RIF1: variants seen among roughly 807,000 people sequenced by gnomAD.
The protein encoded by RIF1 is replication timing regulatory factor 1, also known as telomere-associated protein RIF1.
A neutral mutation model predicts 247.1 loss-of-function variants in RIF1; 45 were observed. The observed-to-expected ratio is 0.18, with a 90% confidence interval of 0.14 to 0.23. The LOEUF (loss-of-function observed/expected upper bound fraction) is 0.23. Ranked by LOEUF, RIF1 falls within the 10% of genes least tolerant of loss-of-function variation. The pLI, the probability that RIF1 is intolerant of heterozygous loss-of-function variation, is 1.00. For missense variants in RIF1, 2,967 were observed against 2,862.5 expected (o/e 1.04, Z -0.83); for synonymous variants, 1,087 against 978.8 (o/e 1.11, Z -2.06).
chr2:151,475,143 T>C lies in RIF1; in HGVS notation c.*72T>C. 1 of 1,036,426 alleles carries C rather than the reference T, an allele frequency of 9.6e-7. No homozygotes were observed. The allele number at this position is 1,036,426 out of a possible 1,614,324, so 64.2% of individuals were successfully genotyped here. ...TTGATTGAGGAAACAAGTTCTGAAA[T>C]AATAGCACAATTTCAAAGAAGAGAC... On this transcript the variant is annotated 3_prime_UTR_variant, in exon 36 of 36. Transcript: ENST00000444746.
rs1444921687 is a variant in RIF1, at chr2:151,435,766, TG to T, written c.1195+187del. ...TCCATTATCATGTTTTTCTGTTTTT[TG>T]TTTTTTTTTTTTAATATTACTGATT... On this transcript the variant is annotated intron_variant, in intron 11 of 35. Transcript: ENST00000444746. Among the ~76,000 whole-genome samples, 69 of 151,100 alleles carry T rather than the reference TG, an allele frequency of 4.6e-4. 2 individuals are homozygous for T. Among genetic ancestry groups the T allele is most frequent in the African/African-American group, 1.4e-3 (57 of 41,348 alleles).
intron 6 of RIF1, among the ~76,000 whole-genome samples, chr2:151,417,214 A>C (rs1026590107): frequency 1.3e-5 from 2 of 152,234 alleles, no homozygotes; most frequent in Non-Finnish European, 2.9e-5. Flanking sequence ...ATGTAAACTC[A>C]TAAGTGGGCT....
chr2:151,454,611 C>G (rs1175091640), intron 21 of RIF1, among the ~76,000 whole-genome samples: 2 of 152,068 alleles, frequency 1.3e-5, no homozygotes, highest in Non-Finnish European at 2.9e-5. Flanking sequence ...GTTTGAGATG[C>G]ATTTTATAAT....
intron 30 of RIF1, among the ~76,000 whole-genome samples, chr2:151,467,529 G>C (rs1246860056): frequency 6.6e-6 from 1 of 152,072 alleles, no homozygotes; most frequent in Non-Finnish European, 1.5e-5. Flanking sequence ...ACTTTTAGTA[G>C]AGATAAGGTT....
At chr2:151,482,292 C>A (rs1454293475), downstream of RIF1, 1 of 152,196 alleles carries the variant, frequency 6.6e-6, no homozygotes, top group African/African-American at 2.4e-5. Context: ...TATTCCTCCA[C>A]AAACATGAAC....
At chr2:151,498,470 C>A (rs1575074736) in intron 10 of RIF1, 4 of 688,014 alleles carry the variant, frequency 5.8e-6, no homozygotes, top group East Asian at 5.4e-5. Flanking sequence ...AAGAGAAATA[C>A]CAGAAGCTTT....
At chr2:151,485,610 C>T (rs1465499881), downstream of RIF1, 1 of 665,410 alleles carries the variant, frequency 1.5e-6, no homozygotes, top group Non-Finnish European at 2.4e-6. Context: ...TTTTAAAACC[C>T]AAAGGAGAAA....
intron 24 of RIF1, 35 bp downstream of exon 24, chr2:151,457,998 ATTCT>A: frequency 1.4e-6 from 2 of 1,439,938 alleles, no homozygotes; most frequent in Non-Finnish European, 2.0e-6. Context: ...ACAACTAACT[ATTCT>A]GTTGTGATCA....
chr2:151,424,851 T>C lies in RIF1; in HGVS notation c.786+1809T>C, dbSNP rs1240427801. Among the ~76,000 whole-genome samples the C allele has an allele frequency of 1.2e-3, 161 of 139,614 alleles. 1 individual carries two copies. The highest frequency in any genetic ancestry group is 3.5e-3 in the Middle Eastern group (1 of 288). 91.6% of individuals were successfully genotyped at this position (139,614 alleles called of 152,430 possible). A position where few individuals can be genotyped will look rare whatever the true frequency, so the allele number is the denominator to read the frequency against. On this transcript the variant is annotated intron_variant, in intron 8 of 35. Coordinates refer to ENST00000444746, the MANE Select transcript of RIF1 (RefSeq NM_018151.5). ...TTTTTTTTTTTTTTTTTTTTTTTTTTTTTTTCCATATTTTTTGTAGAGACT... is the reference window on the plus strand; with the variant it reads ...TTTTTTTTTTTTTTTTTTTTTTTTTCTTTTTCCATATTTTTTGTAGAGACT...
intron 8 of RIF1, among the ~76,000 whole-genome samples, chr2:151,425,710 A>G (rs1193571868): frequency 1.8e-5 from 2 of 113,100 alleles, no homozygotes; most frequent in African/African-American, 3.5e-5. Context: ...TCTGTTGCCT[A>G]GGCTGGAGTG....
intron 4 of RIF1, among the ~76,000 whole-genome samples, 154 bp from the exon 5 acceptor site, chr2:151,416,407 G>A (rs529492005): frequency 2.6e-5 from 4 of 152,236 alleles, no homozygotes; most frequent in Non-Finnish European, 4.4e-5. Flanking sequence ...GTGTTTTTGG[G>A]AGAAGTTTGG....
intron 13 of RIF1, among the ~76,000 whole-genome samples, chr2:151,507,433 T>A (rs1288180540): frequency 6.6e-6 from 1 of 152,160 alleles, no homozygotes; most frequent in Admixed American, 6.5e-5. Context: ...CTGAAGCAGA[T>A]AATAATTATC....
At chr2:151,423,266 A>G (rs571701939) in intron 8 of RIF1, 15 of 452,940 alleles carry the variant, frequency 3.3e-5, no homozygotes, top group Non-Finnish European at 5.0e-5. Flanking sequence ...GAGTCACACA[A>G]CGTGCATGTT....
At position 151,438,669 on chromosome 2, in the gene RIF1, T is replaced by C. The variant is rs768242878; in HGVS notation, c.1484-15T>C. The C allele has an allele frequency of 5.6e-6, 9 of 1,595,994 alleles. No individual in the cohort carries two copies. In the East Asian group the frequency reaches 1.8e-4, roughly 32 times the overall value. On this transcript the variant is annotated splice_polypyrimidine_tract_variant and intron_variant, in intron 13 of 35. Coordinates refer to ENST00000444746, the MANE Select transcript of RIF1 (RefSeq NM_018151.5). ...GTACTTCATTTAAAATACTCAAGTT[T>C]ATTTTGTTTGACAGATGTGGTTGTC...
the RIF1 span, chr2:151,530,826 G>A: frequency 1.8e-6 from 1 of 570,272 alleles, no homozygotes; most frequent in Non-Finnish European, 3.1e-6. Flanking sequence ...CTGTTCAGCT[G>A]TGTCCAGTCA....
chr2:151,443,222 TTGTAAC>T (rs1195244627), intron 16 of RIF1, 31 bp from the exon 17 acceptor site: 3 of 1,245,890 alleles, frequency 2.4e-6, no homozygotes, highest in Non-Finnish European at 3.5e-6. Context: ...GTTCTATTCT[TTGTAAC>T]TGAGAAGATT....
intron 8 of RIF1, among the ~76,000 whole-genome samples, chr2:151,425,396 AAT>A (rs1573914685): frequency 6.6e-6 from 1 of 152,020 alleles, no homozygotes; most frequent in Admixed American, 6.6e-5. Context: ...GGTGAAGTAT[AAT>A]ATATATATTT....
At position 151,478,321 on chromosome 2, in the gene RIF1, A is replaced by G. The variant is rs1210650553; in HGVS notation, c.*3250A>G. ...AACAATGTGGCGAAATCCTGTCTCT[A>G]CTAAAAATACAAAAACCAGCCAGGC... is the stretch of plus-strand genomic sequence containing the variant. On this transcript the variant is annotated 3_prime_UTR_variant, in exon 36 of 36. Coordinates refer to ENST00000444746, the MANE Select transcript of RIF1 (RefSeq NM_018151.5). 1 of 152,136 alleles carries G rather than the reference A, an allele frequency of 6.6e-6. No individual in the cohort carries two copies. Among genetic ancestry groups the G allele is most frequent in the African/African-American group, 2.4e-5 (1 of 41,426 alleles). 9.4% of individuals were successfully genotyped at this position (152,136 alleles called of 1,614,324 possible). A position where few individuals can be genotyped will look rare whatever the true frequency, so the allele number is the denominator to read the frequency against.
At chr2:151,496,620 T>TTTTTC (rs1375487117) in intron 10 of RIF1, among the ~76,000 whole-genome samples, 2 of 152,140 alleles carry the variant, frequency 1.3e-5, no homozygotes, top group East Asian at 3.9e-4. Flanking sequence ...TTATTTTTTT[T>TTTTTC]CATTTTTGTG....
Sources: allele counts gnomAD v4.1 joint callset (sites outside exome capture counted in the v4.1 genomes callset), GRCh38; gene constraint gnomAD v4.1.1; transcripts MANE v1.5; gene names NCBI Gene and HGNC (gene_info 2026-07-23, HGNC 2026-07-21).